Variants in RASGEF1A observed in about 807,000 individuals in gnomAD.
The protein encoded by RASGEF1A is RasGEF domain family member 1A.
Under a neutral mutation model 56.4 loss-of-function variants are expected in RASGEF1A, and 18 were observed. That is an observed-to-expected ratio of 0.32 (90% confidence interval 0.22 to 0.47). The LOEUF (loss-of-function observed/expected upper bound fraction) is 0.47, where lower values mean the gene tolerates loss of function less well. RASGEF1A is among the 20% of genes least tolerant of loss of function. The probability of loss-of-function intolerance (pLI) is 1.00; values close to 1 mark genes in which losing one functional copy is unlikely to be tolerated. For missense variants in RASGEF1A, 422 were observed against 627.1 expected, an observed-to-expected ratio of 0.67 and a Z score of 3.49; for synonymous variants, 245 against 242.6, an observed-to-expected ratio of 1.01 and a Z score of -0.09.
rs918515563 is a variant in RASGEF1A, at chr10:43,266,960, C to G, written c.-122G>C. ...TCGGCGCCCGGGCCCGCGGCACCCG[C>G]CCACCCGCGGCCGCCCCCGCGCTGC... is the stretch of plus-strand genomic sequence containing the variant. On this transcript the variant is annotated 5_prime_UTR_variant, in exon 1 of 13. Coordinates refer to ENST00000395810, the MANE Select transcript of RASGEF1A (RefSeq NM_145313.4). The G allele has an allele frequency of 4.1e-5, 6 of 146,282 alleles. No homozygotes were observed. The highest frequency in any genetic ancestry group is 1.5e-4 in the African/African-American group (6 of 40,844). 9.1% of individuals were successfully genotyped at this position (146,282 alleles called of 1,614,324 possible).
In RASGEF1A at chr10:43,206,227, G is replaced by A. The variant is rs1350760092; in HGVS notation, c.-6-105C>T. On this transcript the variant is annotated intron_variant, in intron 1 of 12. Coordinates refer to ENST00000395810, the MANE Select transcript of RASGEF1A (RefSeq NM_145313.4). ...CGTGCATGCATGTGTGCAGGGGTGC[G>A]TGGCAGGGGCGCAGCGGCACTGGCA... 3.2e-5 allele frequency: 31 copies of A among 975,544 alleles called. No homozygotes were observed. In the Middle Eastern group the frequency reaches 9.7e-4, roughly 30 times the overall value. The allele number at this position is 975,544 out of a possible 1,614,324, so 60.4% of individuals were successfully genotyped here. A position where few individuals can be genotyped will look rare whatever the true frequency, so the allele number is the denominator to read the frequency against.
intron 1 of RASGEF1A, among the ~76,000 whole-genome samples, chr10:43,255,286 G>A (rs903174246): frequency 3.3e-5 from 5 of 151,956 alleles, no homozygotes; most frequent in Non-Finnish European, 5.9e-5. Flanking sequence ...AGCCCTGCCC[G>A]CCTAGGCTGC....
chr10:43,208,291 G>A, intron 1 of RASGEF1A: 2 of 985,622 alleles, frequency 2.0e-6, no homozygotes, highest in South Asian at 9.4e-5. Flanking sequence ...CTCTGGTCAG[G>A]AGGTAGTATG....
intron 1 of RASGEF1A, among the ~76,000 whole-genome samples, chr10:43,213,458 G>T (rs779772866): frequency 2.0e-5 from 3 of 152,154 alleles, no homozygotes; most frequent in Admixed American, 6.5e-5. Flanking sequence ...AGGGGAGGGG[G>T]CAGCCAGGAT....
At chr10:43,265,357 G>A (rs182802560) in intron 1 of RASGEF1A, among the ~76,000 whole-genome samples, 398 of 152,346 alleles carry the variant, frequency 2.6e-3, no homozygotes, top group Middle Eastern at 0.017. Context: ...GCATGTGCAG[G>A]AGGACACAGC....
chr10:43,228,631 C>A (rs536246490), intron 1 of RASGEF1A, among the ~76,000 whole-genome samples: 1 of 152,332 alleles, frequency 6.6e-6, no homozygotes, highest in East Asian at 1.9e-4. Flanking sequence ...GCTGCTCTAT[C>A]GCTGCAGAAT....
intron 1 of RASGEF1A, among the ~76,000 whole-genome samples, chr10:43,224,483 A>G (rs1564535607): frequency 6.6e-6 from 1 of 152,230 alleles, no homozygotes; most frequent in Non-Finnish European, 1.5e-5. Flanking sequence ...AAGTCAACAC[A>G]TTAATAGGTC....
chr10:43,210,942 C>T (rs950188514), intron 1 of RASGEF1A, among the ~76,000 whole-genome samples: 1 of 141,186 alleles, frequency 7.1e-6, no homozygotes, highest in African/African-American at 2.7e-5. Flanking sequence ...TGGGGACAGG[C>T]TTGCACGCAG....
intron 1 of RASGEF1A, among the ~76,000 whole-genome samples, chr10:43,250,691 G>C (rs1330179580): frequency 1.3e-5 from 2 of 152,328 alleles, no homozygotes; most frequent in East Asian, 3.9e-4. Flanking sequence ...CCATTCCACA[G>C]AGGCTCCTTG....
chr10:43,212,905 G>T (rs1029460496), intron 1 of RASGEF1A, among the ~76,000 whole-genome samples: 3 of 152,186 alleles, frequency 2.0e-5, no homozygotes, highest in Admixed American at 6.5e-5. Flanking sequence ...GCACACACAG[G>T]TGCACAGACC....
At chr10:43,202,119 G>C (rs1839909977) in intron 3 of RASGEF1A, among the ~76,000 whole-genome samples, 174 bp from the exon 4 acceptor site, 1 of 152,120 alleles carries the variant, frequency 6.6e-6, no homozygotes, top group African/African-American at 2.4e-5. Context: ...CATGACTCCT[G>C]TTTGGTTCCT....
chr10:43,204,529 C>A (rs1221769383), intron 2 of RASGEF1A, among the ~76,000 whole-genome samples: 3 of 152,232 alleles, frequency 2.0e-5, no homozygotes, highest in Non-Finnish European at 4.4e-5. Flanking sequence ...GAGGAAAGGC[C>A]CACCATGGAG....
At chr10:43,220,427 A>G (rs931582185) in intron 1 of RASGEF1A, among the ~76,000 whole-genome samples, 5 of 152,170 alleles carry the variant, frequency 3.3e-5, no homozygotes, top group Non-Finnish European at 7.4e-5. Context: ...CAGGAGGTAA[A>G]GGATGCAGTG....
chr10:43,265,007 G>T (rs1836598704), intron 1 of RASGEF1A, among the ~76,000 whole-genome samples: 1 of 152,166 alleles, frequency 6.6e-6, no homozygotes, highest in East Asian at 1.9e-4. Context: ...CGTGCTCAGG[G>T]GCTCCTGGCC....
intron 1 of RASGEF1A, among the ~76,000 whole-genome samples, chr10:43,221,255 T>C (rs1367676638): frequency 6.6e-6 from 1 of 152,234 alleles, no homozygotes; most frequent in Non-Finnish European, 1.5e-5. Context: ...TATATTTGCA[T>C]GATTGTTGGG....
intron 1 of RASGEF1A, among the ~76,000 whole-genome samples, chr10:43,212,510 T>C (rs890619273): frequency 7.9e-5 from 12 of 151,932 alleles, no homozygotes; most frequent in African/African-American, 2.2e-4. Context: ...AGGCCTCCCA[T>C]TGGTGGTCGG....
intron 1 of RASGEF1A, among the ~76,000 whole-genome samples, chr10:43,242,643 C>T (rs978414637): frequency 6.6e-6 from 1 of 152,114 alleles, no homozygotes; most frequent in African/African-American, 2.4e-5. Flanking sequence ...GGTGATTCTC[C>T]TGCCTCGGCC....
intron 1 of RASGEF1A, among the ~76,000 whole-genome samples, chr10:43,230,852 T>A (rs1840356966): frequency 6.6e-6 from 1 of 152,164 alleles, no homozygotes; most frequent in Non-Finnish European, 1.5e-5. Context: ...GCTGGCTCGA[T>A]GGGCAGTTGT....
At chr10:43,202,729 G>A (rs985603435) in intron 3 of RASGEF1A, 7 of 455,366 alleles carry the variant, frequency 1.5e-5, no homozygotes, top group Admixed American at 1.2e-4. Context: ...TTCCGCCCAC[G>A]TTGCCAGCCT....
Sources: allele counts gnomAD v4.1 joint callset (sites outside exome capture counted in the v4.1 genomes callset), GRCh38; gene constraint gnomAD v4.1.1; transcripts MANE v1.5; gene names NCBI Gene and HGNC (gene_info 2026-07-23, HGNC 2026-07-21).